The following ACSM2B variants were observed in gnomAD, a reference collection of about 807,000 sequenced individuals.
The protein encoded by ACSM2B is acyl-CoA synthetase medium chain family member 2B, also known as acyl-coenzyme A synthetase ACSM2B, mitochondrial.
In ACSM2B, 58 loss-of-function variants were observed where a neutral mutation model predicts 78.6. The ratio of observed to expected loss-of-function variants is 0.74; its 90% CI spans 0.60 to 0.92. ACSM2B has a LOEUF of 0.92. ACSM2B is among the 40% of genes least tolerant of loss of function. The pLI is 0.00. For missense variants in ACSM2B, 688 were observed against 711.2 expected (o/e 0.97, Z 0.37); for synonymous variants, 257 against 256.8 (o/e 1.00, Z -0.01).
In ACSM2B at chr16:20,543,123, A is replaced by C; in HGVS notation, c.1409+12T>G. The stretch of plus-strand genomic sequence containing the variant: ...CCCAGATTTCCCTTCCCAACCCAGA[A>C]ACCAAGCTCACCCGCTGGAGTTAAT... On this transcript the variant is annotated intron_variant, in intron 11 of 13. Transcript: ENST00000329697. 1.9e-6 allele frequency: 3 copies of C among 1,613,778 alleles called. No individual in the cohort carries two copies. The highest frequency in any genetic ancestry group is 2.5e-6 in the Non-Finnish European group (3 of 1,179,860).
intron 6 of ACSM2B, among the ~76,000 whole-genome samples, chr16:20,549,216 C>T (rs2015231640): frequency 6.6e-6 from 1 of 152,104 alleles, no homozygotes; most frequent in Admixed American, 6.6e-5. Flanking sequence ...TTTCTTTATG[C>T]AGAATGTAAT....
chr16:20,540,120 G>A (rs1238784442), intron 13 of ACSM2B, among the ~76,000 whole-genome samples: 2 of 152,054 alleles, frequency 1.3e-5, no homozygotes, highest in Admixed American at 6.6e-5. Context: ...TTTGGCTTTT[G>A]ATTCAGAGTG....
chr16:20,556,803 C>T (rs993489186), intron 3 of ACSM2B, among the ~76,000 whole-genome samples: 64 of 152,204 alleles, frequency 4.2e-4, no homozygotes, highest in African/African-American at 1.4e-3. Flanking sequence ...GAGACAGACA[C>T]AGAACAGTAG....
At chr16:20,549,149 G>C (rs2015230169) in intron 6 of ACSM2B, among the ~76,000 whole-genome samples, 1 of 152,084 alleles carries the variant, frequency 6.6e-6, no homozygotes, top group African/African-American at 2.4e-5. Flanking sequence ...AGCAAGTAGT[G>C]GGATCATTAT....
chr16:20,553,870 G>C lies in ACSM2B; in HGVS notation c.647C>G (p.Ser216Cys), dbSNP rs764305406. The change falls in exon 5 of 14, where the codon TCT becomes TGT. Residue 216 changes from serine (S) to cysteine (C), a missense_variant. Physicochemically the swap from Ser to Cys is moderately radical, Grantham distance 112. Coordinates refer to ENST00000329697, the MANE Select transcript of ACSM2B (RefSeq NM_001105069.2). ...GGTCCCACTAGTGAAGTAGATGGCAGATGCTTCCTGGCTTCCAGTCTCCAC... is the reference window on the plus strand; with the variant it reads ...GGTCCCACTAGTGAAGTAGATGGCACATGCTTCCTGGCTTCCAGTCTCCAC... ...HCVETGSQEA[S>C]AIYFTSGTSG... The C allele has an allele frequency of 1.2e-6, 2 of 1,613,952 alleles. No individual in the cohort carries two copies. Among genetic ancestry groups the C allele is most frequent in the Non-Finnish European group, 1.7e-6 (2 of 1,179,872 alleles).
chr16:20,563,196 CA>C (rs2015719020), intron 2 of ACSM2B, among the ~76,000 whole-genome samples: 2 of 152,066 alleles, frequency 1.3e-5, no homozygotes, highest in Non-Finnish European at 2.9e-5. Context: ...AAGATAGGTG[CA>C]AAAAAGTTAT....
intron 1 of ACSM2B, among the ~76,000 whole-genome samples, chr16:20,566,544 A>C (rs183422513): frequency 0.019 from 1,998 of 103,700 alleles, 90 homozygotes; most frequent in African/African-American, 0.077. Flanking sequence ...ATACTATATA[A>C]CTATATACTA....
chr16:20,557,438 C>G (rs2015509036), intron 3 of ACSM2B, among the ~76,000 whole-genome samples: 1 of 103,546 alleles, frequency 9.7e-6, no homozygotes. Flanking sequence ...CCACTTATCT[C>G]CATCTCTACT....
At chr16:20,566,186 G>T (rs573767712) in intron 1 of ACSM2B, among the ~76,000 whole-genome samples, 18 of 135,478 alleles carry the variant, frequency 1.3e-4, no homozygotes, top group Admixed American at 6.3e-4. Context: ...ACACTCCTGT[G>T]CCTTTCTTCC....
At chr16:20,565,780 C>A (rs2015807372) in intron 1 of ACSM2B, among the ~76,000 whole-genome samples, 2 of 152,202 alleles carry the variant, frequency 1.3e-5, no homozygotes, top group East Asian at 3.9e-4. Flanking sequence ...ACAGTACACA[C>A]TTAACCCACT....
chr16:20,541,407 C>A (rs1303899050), intron 12 of ACSM2B: 1 of 152,216 alleles, frequency 6.6e-6, no homozygotes, highest in Non-Finnish European at 1.5e-5. Context: ...GTCCACTAGA[C>A]CCCATCTGAG....
Position 20,537,395 on chromosome 16 carries a change from A to T in ACSM2B, c.1630-33T>A, listed in dbSNP as rs201087015. ...AAAACAAATCAGTCCAGGGTGGGTG[A>T]TCTGTGATGACAGTGGGTTGCATTT... On this transcript the variant is annotated intron_variant, in intron 13 of 13. Transcript: ENST00000329697. 370 of 1,610,432 alleles carry T rather than the reference A, an allele frequency of 2.3e-4. 2 individuals carry two copies. The highest frequency in any genetic ancestry group is 5.8e-4 in the Admixed American group (35 of 59,980).
chr16:20,564,890 T>C, intron 1 of ACSM2B, 37 bp from the exon 2 acceptor site: 3 of 1,570,558 alleles, frequency 1.9e-6, no homozygotes, highest in Non-Finnish European at 2.6e-6. Flanking sequence ...AAGAGCTTCT[T>C]TAACAGATTG....
At chr16:20,555,552 A>G in intron 3 of ACSM2B, 76 bp from the exon 4 acceptor site, 1 of 1,593,574 alleles carries the variant, frequency 6.3e-7, no homozygotes, top group South Asian at 1.1e-5. Flanking sequence ...ATAAACATCA[A>G]GCAGGGAGCA....
chr16:20,537,524 CAAT>C (rs2014878091), intron 13 of ACSM2B, among the ~76,000 whole-genome samples, 162 bp from the exon 14 acceptor site: 1 of 152,070 alleles, frequency 6.6e-6, no homozygotes, highest in Non-Finnish European at 1.5e-5. Context: ...GGGATGAGGA[CAAT>C]AAGAGGATGG....
At position 20,547,187 on chromosome 16, in the gene ACSM2B, G is replaced by A. The variant is rs146255020; in HGVS notation, c.1099-713C>T. 3.8e-3 allele frequency: 3,748 copies of A among 997,062 alleles called. 18 individuals carry two copies. Among genetic ancestry groups the A allele is most frequent in the African/African-American group, 0.016 (946 of 57,814 alleles). 61.8% of individuals were successfully genotyped at this position (997,062 alleles called of 1,614,324 possible). ...GTTGATTGACCCACCTCAGAAGAGA[G>A]GCTGCTGAGTGATTAAGATCATGGG... On this transcript the variant is annotated intron_variant, in intron 8 of 13. Coordinates refer to ENST00000329697, the MANE Select transcript of ACSM2B (RefSeq NM_001105069.2).
At chr16:20,559,766 T>C (rs1567214501) in intron 2 of ACSM2B, among the ~76,000 whole-genome samples, 1 of 150,974 alleles carries the variant, frequency 6.6e-6, no homozygotes, top group Non-Finnish European at 1.5e-5. Context: ...GAAAAAATAA[T>C]GAGGAAAGTG....
rs184806877 is a variant in ACSM2B, at chr16:20,563,587, A to T, written c.177+1082T>A. Among the ~76,000 whole-genome samples, 1,283 of 150,766 alleles carry T rather than the reference A, an allele frequency of 8.5e-3. 6 individuals carry two copies. Among genetic ancestry groups the T allele is most frequent in the Middle Eastern group, 0.031 (9 of 294 alleles). On this transcript the variant is annotated intron_variant, in intron 2 of 13. Coordinates refer to ENST00000329697, the MANE Select transcript of ACSM2B (RefSeq NM_001105069.2). ...CTTCCTCAATATTTAAAGGAAGTAT[A>T]ACTTTAAAAAAATCCAGAAATCTAA...
At chr16:20,557,589 A>T (rs2015514402) in intron 3 of ACSM2B, among the ~76,000 whole-genome samples, 1 of 152,214 alleles carries the variant, frequency 6.6e-6, no homozygotes, top group South Asian at 2.1e-4. Context: ...AACTCAATGT[A>T]TCAATGGTTT....
Sources: allele counts gnomAD v4.1 joint callset (sites outside exome capture counted in the v4.1 genomes callset), GRCh38; gene constraint gnomAD v4.1.1; transcripts MANE v1.5; gene names NCBI Gene and HGNC (gene_info 2026-07-23, HGNC 2026-07-21).